RABGAP1: variants seen among roughly 807,000 people sequenced by gnomAD.
RABGAP1 encodes rab GTPase-activating protein 1.
A neutral mutation model predicts 137.6 loss-of-function variants in RABGAP1; 23 were observed. The ratio of observed to expected loss-of-function variants is 0.17; its 90% CI spans 0.12 to 0.24. The LOEUF is 0.24. RABGAP1 is among the 10% of genes least tolerant of loss of function. The probability of loss-of-function intolerance (pLI) is 1.00; values close to 1 mark genes in which losing one functional copy is unlikely to be tolerated. For missense variants in RABGAP1, 906 were observed against 1,275.8 expected (o/e 0.71, Z 4.42); for synonymous variants, 451 against 450.7 (o/e 1.00, Z -0.01).
chr9:123,025,212 T>A (rs2031884664), intron 13 of RABGAP1, among the ~76,000 whole-genome samples: 1 of 152,226 alleles, frequency 6.6e-6, no homozygotes, highest in Admixed American at 6.5e-5. Context: ...AATTCTCATA[T>A]ATGCTGGGAT....
At chr9:122,982,592 A>G (rs551537519) in intron 2 of RABGAP1, among the ~76,000 whole-genome samples, 11 of 152,152 alleles carry the variant, frequency 7.2e-5, no homozygotes, top group East Asian at 1.9e-4. Context: ...CTCTATTCCT[A>G]TATGTTATTT....
intron 10 of RABGAP1, among the ~76,000 whole-genome samples, chr9:123,004,166 G>T (rs2029983582): frequency 6.6e-6 from 1 of 152,224 alleles, no homozygotes; most frequent in African/African-American, 2.4e-5. Context: ...GATGGGAAGT[G>T]TGATCACTTA....
At chr9:122,964,068 T>A (rs1273708796) in intron 2 of RABGAP1, among the ~76,000 whole-genome samples, 1 of 152,192 alleles carries the variant, frequency 6.6e-6, no homozygotes, top group East Asian at 1.9e-4. Flanking sequence ...GAGATTGAAT[T>A]AGTAATCAAA....
intron 2 of RABGAP1, among the ~76,000 whole-genome samples, chr9:122,976,040 G>A (rs1835744444): frequency 6.6e-6 from 1 of 152,148 alleles, no homozygotes; most frequent in African/African-American, 2.4e-5. Flanking sequence ...TGAATGGGGT[G>A]CCTCTTGGAG....
intron 2 of RABGAP1, among the ~76,000 whole-genome samples, chr9:122,979,087 G>A (rs537047956): frequency 3.3e-5 from 5 of 151,594 alleles, no homozygotes; most frequent in Middle Eastern, 3.4e-3. Flanking sequence ...TTGTAGAGTC[G>A]GGGTCTCACC....
chr9:122,998,738 C>G lies in RABGAP1; in HGVS notation c.1346C>G (p.Thr449Ser). 6.2e-7 allele frequency: 1 copy of G among 1,601,314 alleles called. No individual in the cohort carries two copies. Among genetic ancestry groups the G allele is most frequent in the Non-Finnish European group, 8.5e-7 (1 of 1,174,254 alleles). ...LFWPFSKRST[T>S]ENFFLKLKQI... The stretch of plus-strand genomic sequence containing the variant: ...TGGCCCTTCAGCAAACGTAGTACTA[C>G]TGAAAATTTCTTTTTGAAACTAAAA... Residue 449 changes from threonine to serine, a missense_variant, in exon 10 of 26, where the codon ACT becomes AGT. Around this residue, in one of 9 missense-constraint regions of RABGAP1, gnomAD observed 212 missense variants for 289.4 expected, o/e 0.73. Coordinates refer to ENST00000373647, the MANE Select transcript of RABGAP1 (RefSeq NM_012197.4).
intron 2 of RABGAP1, among the ~76,000 whole-genome samples, chr9:122,983,693 C>T (rs1836206181): frequency 6.6e-6 from 1 of 152,130 alleles, no homozygotes; most frequent in Admixed American, 6.5e-5. Context: ...TTTCCCATGA[C>T]TTCGTTTTTC....
At position 122,998,192 on chromosome 9, in the gene RABGAP1, C is replaced by T. The variant is rs572542689; in HGVS notation, c.1205-405C>T. Reference sequence around the variant, plus strand: ...TTGGCTCACTGCGGCCTGCACCTCCCGGGTTTAAGTGATTCTCCTACCTCA... The same window carrying T: ...TTGGCTCACTGCGGCCTGCACCTCCTGGGTTTAAGTGATTCTCCTACCTCA... On this transcript the variant is annotated intron_variant, in intron 9 of 25. Transcript: ENST00000373647. Among the ~76,000 whole-genome samples, 23 of 152,122 alleles carry T rather than the reference C, an allele frequency of 1.5e-4. No individual in the cohort carries two copies. The South Asian group carries it at 2.9e-3, about 19-fold the overall frequency.
intron 4 of RABGAP1, 111 bp downstream of exon 4, chr9:122,986,530 T>C: frequency 8.5e-7 from 1 of 1,172,204 alleles, no homozygotes; most frequent in Non-Finnish European, 1.2e-6. Flanking sequence ...TTTACTTGTG[T>C]AACGTTTCAT....
chr9:123,100,917 C>G (rs971640831), intron 24 of RABGAP1, among the ~76,000 whole-genome samples: 2 of 152,150 alleles, frequency 1.3e-5, no homozygotes, highest in Non-Finnish European at 2.9e-5. Flanking sequence ...TTCATTCATT[C>G]TGAGATAAGC....
intron 13 of RABGAP1, among the ~76,000 whole-genome samples, chr9:123,051,749 A>G (rs2033484413): frequency 1.2e-5 from 1 of 85,722 alleles, no homozygotes; most frequent in Non-Finnish European, 2.1e-5. Context: ...AAGCTATTTT[A>G]TTTTATTTTA....
intron 2 of RABGAP1, among the ~76,000 whole-genome samples, chr9:122,973,002 A>G (rs564414211): frequency 9.0e-4 from 136 of 150,368 alleles, no homozygotes; most frequent in African/African-American, 3.1e-3. Flanking sequence ...ACATAGAGGT[A>G]TATTTCTTTT....
chr9:123,047,938 T>G (rs1164873684), intron 13 of RABGAP1, among the ~76,000 whole-genome samples: 35 of 129,098 alleles, frequency 2.7e-4, no homozygotes, highest in African/African-American at 7.8e-4. Context: ...TTTTTTTTTT[T>G]TTTTTTTTTT....
At chr9:123,007,562 T>TC (rs1282915995) in intron 10 of RABGAP1, among the ~76,000 whole-genome samples, 1 of 147,120 alleles carries the variant, frequency 6.8e-6, no homozygotes, top group Non-Finnish European at 1.5e-5. Context: ...TATTTTTTTT[T>TC]TTTTTTTTTT....
chr9:123,094,912 T>A (rs1238233122), intron 21 of RABGAP1, among the ~76,000 whole-genome samples: 1 of 152,206 alleles, frequency 6.6e-6, no homozygotes, highest in Non-Finnish European at 1.5e-5. Flanking sequence ...GATATAAGGT[T>A]GTTTGTATTC....
intron 19 of RABGAP1, among the ~76,000 whole-genome samples, chr9:123,079,287 C>T (rs1478431407): frequency 5.4e-5 from 8 of 147,772 alleles, no homozygotes; most frequent in South Asian, 4.3e-4. Flanking sequence ...TCACCCAGGC[C>T]GGAGTGCAGT....
chr9:123,065,671 C>G, intron 14 of RABGAP1: 1 of 487,846 alleles, frequency 2.0e-6, no homozygotes, highest in South Asian at 2.1e-5. Context: ...GGTTTCCTTT[C>G]CCCTTCTAAT....
At chr9:123,066,031 GT>G (rs2034160068) in intron 14 of RABGAP1, among the ~76,000 whole-genome samples, 1 of 152,190 alleles carries the variant, frequency 6.6e-6, no homozygotes, top group Admixed American at 6.5e-5. Flanking sequence ...TAGGAACGGA[GT>G]TTTTCAGTCT....
chr9:122,988,125 TCA>T (rs916756789), intron 4 of RABGAP1, among the ~76,000 whole-genome samples: 2 of 152,264 alleles, frequency 1.3e-5, no homozygotes, highest in Non-Finnish European at 2.9e-5. Flanking sequence ...TGTTTCTTAG[TCA>T]ATACTCATTC....
Sources: allele counts gnomAD v4.1 joint callset (sites outside exome capture counted in the v4.1 genomes callset), GRCh38; gene constraint gnomAD v4.1.1; regional missense constraint gnomAD v4.1.1; transcripts MANE v1.5; gene names NCBI Gene and HGNC (gene_info 2026-07-23, HGNC 2026-07-21).